The following AOPEP variants were observed in gnomAD, a reference collection of about 807,000 sequenced individuals.
The protein encoded by AOPEP is aminopeptidase O.
AOPEP carries 77 observed loss-of-function variants against 98.1 expected under a neutral mutation model. The observed-to-expected ratio is 0.78, with a 90% confidence interval of 0.65 to 0.95. The LOEUF (loss-of-function observed/expected upper bound fraction) is 0.95, where lower values mean the gene tolerates loss of function less well. Ranked by LOEUF, AOPEP falls within the 40% of genes least tolerant of loss-of-function variation. The probability of loss-of-function intolerance (pLI) is 0.00; values close to 1 mark genes in which losing one functional copy is unlikely to be tolerated. For synonymous variants in AOPEP, 346 were observed against 365.3 expected (o/e 0.95, Z 0.60); for missense variants, 1,024 against 1,024.7 (o/e 1.00, Z 0.01).
the AOPEP span, among the ~76,000 whole-genome samples, chr9:95,117,914 G>A: frequency 6.6e-6 from 1 of 152,128 alleles, no homozygotes. Flanking sequence ...TAGAGACAGA[G>A]TTTCTCCATG....
At chr9:95,004,237 G>T (rs1225930852) in intron 11 of AOPEP, 5 of 456,520 alleles carry the variant, frequency 1.1e-5, no homozygotes, top group Non-Finnish European at 2.2e-5. Context: ...CGGATGAGAA[G>T]GCCTTTGGCG....
At chr9:94,960,999 G>A (rs2058795520) in intron 9 of AOPEP, among the ~76,000 whole-genome samples, 2 of 138,612 alleles carry the variant, frequency 1.4e-5, no homozygotes, top group East Asian at 4.1e-4. Flanking sequence ...GGGCGACAGA[G>A]CGAGAATCTG....
At chr9:95,110,955 C>T in the AOPEP span, 5 of 1,389,262 alleles carry the variant, frequency 3.6e-6, no homozygotes, top group Non-Finnish European at 2.8e-6. Flanking sequence ...TGGTTAATAT[C>T]ATCTGATTAC....
intron 11 of AOPEP, among the ~76,000 whole-genome samples, chr9:94,981,812 C>T (rs117088258): frequency 3.3e-5 from 5 of 152,282 alleles, no homozygotes; most frequent in Non-Finnish European, 5.9e-5. Flanking sequence ...TTCTGTCTAC[C>T]AGCAATTGAA....
chr9:95,059,757 T>C, intron 13 of AOPEP, among the ~76,000 whole-genome samples: 1 of 152,176 alleles, frequency 6.6e-6, no homozygotes, highest in East Asian at 1.9e-4. Context: ...TACACAGGGA[T>C]GGAGAGAAGC....
intron 13 of AOPEP, among the ~76,000 whole-genome samples, chr9:95,013,013 CTT>C (rs1564522654): frequency 2.1e-5 from 2 of 95,516 alleles, no homozygotes; most frequent in African/African-American, 7.5e-5. Flanking sequence ...GCGATTATCT[CTT>C]ATCTTTTCTA....
chr9:94,877,237 G>T (rs2047052746), intron 5 of AOPEP, among the ~76,000 whole-genome samples: 2 of 152,030 alleles, frequency 1.3e-5, no homozygotes, highest in Non-Finnish European at 2.9e-5. Context: ...AAGCCCATGG[G>T]GATTGGAAAA....
chr9:94,916,922 G>C (rs1258853618), intron 5 of AOPEP, among the ~76,000 whole-genome samples: 2 of 152,180 alleles, frequency 1.3e-5, no homozygotes, highest in Admixed American at 6.5e-5. Context: ...AACATGTACT[G>C]TCACATTGAG....
At chr9:94,880,759 G>T (rs1490833720) in intron 5 of AOPEP, among the ~76,000 whole-genome samples, 1 of 152,150 alleles carries the variant, frequency 6.6e-6, no homozygotes, top group African/African-American at 2.4e-5. Flanking sequence ...ACAAGCTTGG[G>T]TGGGAGCAAA....
chr9:95,032,559 A>G (rs2064411293), intron 13 of AOPEP, among the ~76,000 whole-genome samples: 1 of 152,166 alleles, frequency 6.6e-6, no homozygotes. Flanking sequence ...AGGGTCCTTC[A>G]CCTTGGGTGT....
intron 5 of AOPEP, among the ~76,000 whole-genome samples, chr9:94,890,960 T>C (rs1180337235): frequency 2.0e-5 from 3 of 152,264 alleles, no homozygotes; most frequent in Admixed American, 1.3e-4. Context: ...CAATTTGATC[T>C]TGTTGGTTGA....
chr9:95,128,186 G>A, the AOPEP span, among the ~76,000 whole-genome samples: 1 of 152,114 alleles, frequency 6.6e-6, no homozygotes, highest in Non-Finnish European at 1.5e-5. Flanking sequence ...CCGGATATAA[G>A]CACGGAAAAT....
At chr9:94,814,354 T>C (rs981135625) in intron 5 of AOPEP, among the ~76,000 whole-genome samples, 8 of 152,230 alleles carry the variant, frequency 5.3e-5, no homozygotes, top group Non-Finnish European at 1.0e-4. Context: ...TCTGGTTTCC[T>C]GGGCTTAGGA....
intron 7 of AOPEP, among the ~76,000 whole-genome samples, chr9:94,933,972 TCTC>T: frequency 6.6e-6 from 1 of 152,100 alleles, no homozygotes; most frequent in African/African-American, 2.4e-5. Context: ...ATGGTCTTGA[TCTC>T]CTGACCTTGT....
At chr9:94,887,813 T>C (rs1217210859) in intron 5 of AOPEP, among the ~76,000 whole-genome samples, 1 of 152,040 alleles carries the variant, frequency 6.6e-6, no homozygotes, top group East Asian at 1.9e-4. Flanking sequence ...AAATTAGGCT[T>C]TTTTTTTCTG....
chr9:94,852,678 T>C (rs2043699131), intron 5 of AOPEP, among the ~76,000 whole-genome samples: 1 of 152,216 alleles, frequency 6.6e-6, no homozygotes, highest in South Asian at 2.1e-4. Context: ...TGCAGGTGCT[T>C]TCGCAGTTTC....
chr9:94,881,004 C>CA (rs2047519907), intron 5 of AOPEP, among the ~76,000 whole-genome samples: 1 of 152,136 alleles, frequency 6.6e-6, no homozygotes, highest in South Asian at 2.1e-4. Context: ...CACAGTCAGT[C>CA]AGAGGTAATG....
chr9:94,905,419 C>T (rs1386236801), intron 5 of AOPEP, among the ~76,000 whole-genome samples: 1 of 152,176 alleles, frequency 6.6e-6, no homozygotes, highest in Non-Finnish European at 1.5e-5. Context: ...AACTGTTCCA[C>T]GTCCTCAGAT....
intron 5 of AOPEP, among the ~76,000 whole-genome samples, chr9:94,837,427 C>A (rs1228442569): frequency 6.6e-6 from 1 of 152,096 alleles, no homozygotes; most frequent in South Asian, 2.1e-4. Flanking sequence ...CACCCTAATA[C>A]CAAAACCAGG....
Sources: allele counts gnomAD v4.1 joint callset (sites outside exome capture counted in the v4.1 genomes callset), GRCh38; gene constraint gnomAD v4.1.1; transcripts MANE v1.5; gene names NCBI Gene and HGNC (gene_info 2026-07-23, HGNC 2026-07-21).